Variants in PLSCR4 observed in about 807,000 individuals in gnomAD.
The protein encoded by PLSCR4 is Ca(2+)-dependent phospholipid scramblase 4.
In PLSCR4, 25 loss-of-function variants were observed where a neutral mutation model predicts 36.3. The ratio of observed to expected loss-of-function variants is 0.69; its 90% CI spans 0.50 to 0.96. The LOEUF (loss-of-function observed/expected upper bound fraction) is 0.96, where lower values mean the gene tolerates loss of function less well. Among genes scored for constraint, PLSCR4 ranks in the 40% least tolerant of loss-of-function variants. The probability of loss-of-function intolerance (pLI) is 0.00; values close to 1 mark genes in which losing one functional copy is unlikely to be tolerated. For synonymous variants in PLSCR4, 122 were observed against 132.9 expected, an observed-to-expected ratio of 0.92 and a Z score of 0.56; for missense variants, 408 against 414.7, an observed-to-expected ratio of 0.98 and a Z score of 0.14.
intron 3 of PLSCR4, among the ~76,000 whole-genome samples, chr3:146,212,911 G>GTT (rs145701768): frequency 6.6e-6 from 1 of 152,044 alleles, no homozygotes; most frequent in African/African-American, 2.4e-5. Context: ...TTTCTTAAGT[G>GTT]TTTTTATCAT....
chr3:146,229,517 T>G (rs1490733076), intron 1 of PLSCR4, among the ~76,000 whole-genome samples: 1 of 152,158 alleles, frequency 6.6e-6, no homozygotes, highest in African/African-American at 2.4e-5. Context: ...GAAAGCTTTG[T>G]GTTCATGACC....
rs373830036 is a variant in PLSCR4 at position 146,239,880 on chromosome 3, T to G, written c.-22+11080A>C. Among the ~76,000 whole-genome samples the G allele has an allele frequency of 3.8e-4, 57 of 151,012 alleles. 5 individuals carry two copies. The South Asian group carries it at 9.0e-3, about 24-fold the overall frequency. On this transcript the variant is annotated intron_variant, in intron 1 of 8. Coordinates refer to ENST00000354952, the MANE Select transcript of PLSCR4 (RefSeq NM_020353.3). ...CCTGGGCAACAAGAGTGAAACTCTA[T>G]CTCAAAAAAAGAAAAAAAAAATACT... is the stretch of plus-strand genomic sequence containing the variant.
chr3:146,228,782 A>T (rs2035581489), intron 1 of PLSCR4, among the ~76,000 whole-genome samples: 1 of 152,192 alleles, frequency 6.6e-6, no homozygotes, highest in Non-Finnish European at 1.5e-5. Context: ...TTAGTACAGT[A>T]CTTCATGGTA....
At chr3:146,209,278 G>C (rs992982873) in intron 3 of PLSCR4, among the ~76,000 whole-genome samples, 2 of 151,988 alleles carry the variant, frequency 1.3e-5, no homozygotes, top group Non-Finnish European at 2.9e-5. Context: ...TGATGGGAAG[G>C]GGGTGAGGGA....
intron 6 of PLSCR4, among the ~76,000 whole-genome samples, chr3:146,198,126 CAAG>C: frequency 6.6e-6 from 1 of 151,882 alleles, no homozygotes; most frequent in East Asian, 1.9e-4. Context: ...CTCGAAATGA[CAAG>C]ATTATAAACA....
At chr3:146,225,777 G>A (rs1158999455) in intron 1 of PLSCR4, among the ~76,000 whole-genome samples, 1 of 152,300 alleles carries the variant, frequency 6.6e-6, no homozygotes, top group African/African-American at 2.4e-5. Context: ...TGGCCCGCAA[G>A]CGCCGCACGC....
Position 146,192,597 on chromosome 3 carries a change from T to G in PLSCR4, c.*1814A>C, listed in dbSNP as rs1459830079. 2 of 151,756 alleles carry G rather than the reference T, an allele frequency of 1.3e-5. No individual in the cohort carries two copies. Among genetic ancestry groups the G allele is most frequent in the Non-Finnish European group, 2.9e-5 (2 of 67,898 alleles). 9.4% of individuals were successfully genotyped at this position (151,756 alleles called of 1,614,324 possible). A position where few individuals can be genotyped will look rare whatever the true frequency, so the allele number is the denominator to read the frequency against. On this transcript the variant is annotated 3_prime_UTR_variant, in exon 9 of 9. Transcript: ENST00000354952. ...AATATCACGTCTTATGCTAAATATA[T>G]ATAGATATATTTATTATGATGCAGC... is the stretch of plus-strand genomic sequence containing the variant.
At chr3:146,226,649 G>A (rs1053043438) in intron 1 of PLSCR4, among the ~76,000 whole-genome samples, 1 of 152,062 alleles carries the variant, frequency 6.6e-6, no homozygotes, top group Non-Finnish European at 1.5e-5. Context: ...TGGGGTCCAG[G>A]CCTGGAAATC....
chr3:146,206,567 G>T lies in PLSCR4; in HGVS notation c.313C>A (p.Pro105Thr). ...VPITWMPGPT[P>T]MANCPPGLEY... Reference sequence around the variant, plus strand: ...AGACCAGGAGGGCAGTTTGCCATAGGAGTTGGCCCTGGCATCCATGTTATT... The same window carrying T: ...AGACCAGGAGGGCAGTTTGCCATAGTAGTTGGCCCTGGCATCCATGTTATT... The change falls in exon 4 of 9, where the codon CCT becomes ACT. Residue 105 changes from proline to threonine, a missense_variant. Coordinates refer to ENST00000354952, the MANE Select transcript of PLSCR4 (RefSeq NM_020353.3). The T allele has an allele frequency of 6.2e-7, 1 of 1,613,446 alleles. No homozygotes were observed. Among genetic ancestry groups the T allele is most frequent in the Non-Finnish European group, 8.5e-7 (1 of 1,179,556 alleles).
chr3:146,201,313 A>C (rs531034942), intron 4 of PLSCR4, among the ~76,000 whole-genome samples: 1 of 152,180 alleles, frequency 6.6e-6, no homozygotes, highest in African/African-American at 2.4e-5. Flanking sequence ...TACCACTTTA[A>C]AAAAGTTGTC....
intron 1 of PLSCR4, among the ~76,000 whole-genome samples, chr3:146,226,353 G>A (rs1053087373): frequency 6.6e-6 from 1 of 152,176 alleles, no homozygotes; most frequent in African/African-American, 2.4e-5. Context: ...CTAATGGTCT[G>A]TTGTTTGATT....
At chr3:146,221,879 T>C (rs1031553999) in intron 2 of PLSCR4, among the ~76,000 whole-genome samples, 186 bp downstream of exon 2, 1 of 151,954 alleles carries the variant, frequency 6.6e-6, no homozygotes, top group Admixed American at 6.6e-5. Context: ...CTGACAATGA[T>C]AGGAATGTCT....
In PLSCR4 at chr3:146,206,740, G is replaced by A. The variant is rs372656479; in HGVS notation, c.140C>T (p.Pro47Leu). The change falls in exon 4 of 9, where the codon CCT becomes CTT. Residue 47 changes from proline (P) to leucine (L), a missense_variant. Pro to Leu is a moderately conservative substitution (Grantham distance 98). Coordinates refer to ENST00000354952, the MANE Select transcript of PLSCR4 (RefSeq NM_020353.3). ...GCCTCCTGGGTAGCCAGTAGGTGGA[G>A]GGACAGCTGTTCCAGGGGGTCCTGT... The part of the protein sequence containing the change: ...FLPGPPGTAV[P>L]PPTGYPGGLP... 3.1e-5 allele frequency: 49 copies of A among 1,595,602 alleles called. No individual in the cohort carries two copies. The African/African-American group carries it at 4.3e-4, about 14-fold the overall frequency.
intron 6 of PLSCR4, among the ~76,000 whole-genome samples, chr3:146,199,108 G>A (rs1392426001): frequency 1.3e-5 from 2 of 152,046 alleles, no homozygotes; most frequent in African/African-American, 4.8e-5. Flanking sequence ...AAGTATTTCA[G>A]TAATCCTATG....
intron 4 of PLSCR4, among the ~76,000 whole-genome samples, chr3:146,202,190 C>T (rs1232992127): frequency 2.6e-5 from 4 of 151,850 alleles, no homozygotes; most frequent in Non-Finnish European, 5.9e-5. Flanking sequence ...CCAAAAGTGA[C>T]TACTAAAATG....
intron 3 of PLSCR4, among the ~76,000 whole-genome samples, chr3:146,214,677 A>G (rs1015295617): frequency 1.3e-5 from 2 of 152,088 alleles, no homozygotes; most frequent in African/African-American, 4.8e-5. Flanking sequence ...CCTAACCACA[A>G]TACTGTAGAA....
At position 146,199,908 on chromosome 3, in the gene PLSCR4, G is replaced by C; in HGVS notation, c.529C>G (p.Arg177Gly). Residue 177 changes from arginine to glycine, a missense_variant, in exon 6 of 9, where the codon CGG becomes GGG. By Grantham distance (125) the Arg-to-Gly change is moderately radical. Coordinates refer to ENST00000354952, the MANE Select transcript of PLSCR4 (RefSeq NM_020353.3). ...AYRTLRPFVL[R>G]VTDCMGREIM... Reference sequence around the variant, plus strand: ...TCTCGGCCCATACAATCAGTGACCCGGAGGACGAAGGGCCTTAGTGTCCGA... The same window carrying C: ...TCTCGGCCCATACAATCAGTGACCCCGAGGACGAAGGGCCTTAGTGTCCGA... 1 of 1,613,504 alleles carries C rather than the reference G, an allele frequency of 6.2e-7. No homozygotes were observed. The highest frequency in any genetic ancestry group is 2.2e-5 in the East Asian group (1 of 44,848).
rs1056017991 is a variant in PLSCR4 at position 146,192,563 on chromosome 3, GAAATT to G, written c.*1843_*1847del. 2 of 151,184 alleles carry G rather than the reference GAAATT, an allele frequency of 1.3e-5. No individual in the cohort carries two copies. Among genetic ancestry groups the G allele is most frequent in the African/African-American group, 4.9e-5 (2 of 41,232 alleles). 9.4% of individuals were successfully genotyped at this position (151,184 alleles called of 1,614,324 possible). A position where few individuals can be genotyped will look rare whatever the true frequency, so the allele number is the denominator to read the frequency against. On this transcript the variant is annotated 3_prime_UTR_variant, in exon 9 of 9. Coordinates refer to ENST00000354952, the MANE Select transcript of PLSCR4 (RefSeq NM_020353.3). ...GAGACAAATATAATTTTTTAAAAAA[GAAATT>G]AAAAATATCACGTCTTATGCTAAAT...
At position 146,195,106 on chromosome 3, in the gene PLSCR4, CA is replaced by C. The variant is rs761013967; in HGVS notation, c.945+17del. 2.5e-6 allele frequency: 4 copies of C among 1,611,430 alleles called. No individual in the cohort carries two copies. The highest frequency in any genetic ancestry group is 3.4e-6 in the Non-Finnish European group (4 of 1,178,258). On this transcript the variant is annotated intron_variant, in intron 8 of 8. Transcript: ENST00000354952. ...AAAGAACAACTCTCTCAGGATAACT[CA>C]AAAATAGAAGGCTTACAATGAGGAA...
Sources: gnomAD v4.1 joint callset for allele counts (sites outside exome capture counted in the v4.1 genomes callset) on GRCh38, gnomAD v4.1.1 for gene constraint, MANE v1.5 for transcripts, NCBI Gene and HGNC (gene_info 2026-07-23, HGNC 2026-07-21) for gene names.